The following SPATS2L variants were observed in gnomAD, a reference collection of about 807,000 sequenced individuals.
SPATS2L encodes the protein SPATS2-like protein.
Under a neutral mutation model 59.6 loss-of-function variants are expected in SPATS2L, and 30 were observed. That is an observed-to-expected ratio of 0.50 (90% CI 0.38 to 0.68). The LOEUF (loss-of-function observed/expected upper bound fraction) is 0.68, where lower values mean the gene tolerates loss of function less well. Ranked by LOEUF, SPATS2L falls within the 30% of genes least tolerant of loss-of-function variation. SPATS2L has a pLI of 0.00. For synonymous variants in SPATS2L, 252 were observed against 263.5 expected (o/e 0.96, Z 0.42); for missense variants, 615 against 700.0 (o/e 0.88, Z 1.37).
At chr2:200,418,740 A>G (rs899203635) in intron 5 of SPATS2L, among the ~76,000 whole-genome samples, 14 of 152,072 alleles carry the variant, frequency 9.2e-5, no homozygotes, top group Non-Finnish European at 4.4e-5. Flanking sequence ...TTAAGGACCT[A>G]CCTTCTGTGT....
At position 200,355,855 on chromosome 2, in the gene SPATS2L, T is replaced by A. The variant is rs1275511512; in HGVS notation, c.-23+26375T>A. On this transcript the variant is annotated intron_variant, in intron 2 of 12. Coordinates refer to ENST00000409140, the MANE Select transcript of SPATS2L (RefSeq NM_001100423.2). Reference sequence around the variant, plus strand: ...GATCCTTACACCTGGAAGGTGAAAATTAGATGACTGAGTCTTATTTCATAA... The same window carrying A: ...GATCCTTACACCTGGAAGGTGAAAAATAGATGACTGAGTCTTATTTCATAA... Among the ~76,000 whole-genome samples the A allele has an allele frequency of 2.6e-5, 4 of 152,326 alleles. No homozygotes were observed. The East Asian group carries it at 7.7e-4, about 29-fold the overall frequency.
chr2:200,366,901 T>C (rs2081283929), intron 2 of SPATS2L, among the ~76,000 whole-genome samples: 1 of 152,240 alleles, frequency 6.6e-6, no homozygotes, highest in African/African-American at 2.4e-5. Flanking sequence ...TTTATTAATA[T>C]ATAGTATGTA....
At position 200,477,776 on chromosome 2, in the gene SPATS2L, G is replaced by A. The variant is rs1299440282; in HGVS notation, c.1422G>A (p.Gln474=). 1.3e-6 allele frequency: 2 copies of A among 1,579,974 alleles called. No individual in the cohort carries two copies. The highest frequency in any genetic ancestry group is 1.7e-6 in the Non-Finnish European group (2 of 1,162,752). Residue 474 remains glutamine (Q), a synonymous_variant, in exon 13 of 13, where the codon CAG becomes CAA. Coordinates refer to ENST00000409140, the MANE Select transcript of SPATS2L (RefSeq NM_001100423.2). ...KGNSRHEHRR[Q]PHNGFRPKNK... ...ACAGCCGCCACGAACACAGAAGACA[G>A]CCGCACAACGGCTTCCGGCCCAAAA...
chr2:200,475,057 G>A (rs959522494), intron 12 of SPATS2L, among the ~76,000 whole-genome samples: 1 of 152,194 alleles, frequency 6.6e-6, no homozygotes, highest in African/African-American at 2.4e-5. Flanking sequence ...ACATCATCTT[G>A]AAGATGAACA....
At chr2:200,355,566 G>A (rs2080887777) in intron 2 of SPATS2L, among the ~76,000 whole-genome samples, 1 of 152,184 alleles carries the variant, frequency 6.6e-6, no homozygotes, top group Non-Finnish European at 1.5e-5. Context: ...ACACACGATT[G>A]TTCTTCACAG....
chr2:200,331,219 G>T (rs1217129339), intron 2 of SPATS2L, among the ~76,000 whole-genome samples: 1 of 152,224 alleles, frequency 6.6e-6, no homozygotes, highest in African/African-American at 2.4e-5. Flanking sequence ...CATTTTAATT[G>T]TGAGCTGTGA....
chr2:200,393,726 A>G (rs1480761810), intron 3 of SPATS2L, among the ~76,000 whole-genome samples: 1 of 152,206 alleles, frequency 6.6e-6, no homozygotes, highest in Non-Finnish European at 1.5e-5. Context: ...AAAAATTTTT[A>G]TGATTAGTTT....
At chr2:200,330,605 G>A (rs113286634) in intron 2 of SPATS2L, among the ~76,000 whole-genome samples, 48 of 152,282 alleles carry the variant, frequency 3.2e-4, no homozygotes, top group African/African-American at 1.1e-3. Flanking sequence ...CAGCTGAAGA[G>A]TTACTATGTA....
intron 1 of SPATS2L, among the ~76,000 whole-genome samples, chr2:200,319,458 A>G (rs920267703): frequency 5.3e-5 from 8 of 151,026 alleles, no homozygotes; most frequent in Non-Finnish European, 1.0e-4. Flanking sequence ...CCAGCTACTC[A>G]GGAGGCTGAG....
intron 2 of SPATS2L, among the ~76,000 whole-genome samples, chr2:200,344,047 TA>T (rs890104002): frequency 9.9e-5 from 15 of 151,694 alleles, no homozygotes; most frequent in Non-Finnish European, 1.3e-4. Flanking sequence ...TTATTTTTTT[TA>T]AAAAAAATTT....
intron 1 of SPATS2L, among the ~76,000 whole-genome samples, chr2:200,316,073 G>A (rs969085016): frequency 1.3e-5 from 2 of 150,826 alleles, no homozygotes; most frequent in African/African-American, 2.4e-5. Flanking sequence ...ATGTGTTCAC[G>A]ATGGAAAAGC....
intron 2 of SPATS2L, among the ~76,000 whole-genome samples, chr2:200,345,664 C>G (rs536960612): frequency 1.0e-3 from 159 of 152,252 alleles, no homozygotes; most frequent in African/African-American, 3.8e-3. Context: ...TTTACTAGCT[C>G]CCAAGTGATG....
At chr2:200,339,806 A>T (rs2881718) in intron 2 of SPATS2L, among the ~76,000 whole-genome samples, 96,086 of 152,112 alleles carry the variant, frequency 0.63, 34,277 homozygotes, top group South Asian at 0.88. Context: ...ATACAAATGT[A>T]ATTATGTTAC....
intron 6 of SPATS2L, among the ~76,000 whole-genome samples, chr2:200,430,694 G>C (rs1168077240): frequency 7.0e-6 from 1 of 143,798 alleles, no homozygotes; most frequent in Non-Finnish European, 1.5e-5. Flanking sequence ...TTCCCAAACT[G>C]TTGTCCGTGT....
intron 1 of SPATS2L, among the ~76,000 whole-genome samples, chr2:200,317,960 T>G (rs960248047): frequency 6.6e-6 from 1 of 152,216 alleles, no homozygotes; most frequent in African/African-American, 2.4e-5. Context: ...TGTTGTAGCT[T>G]TTGTTGCTTA....
At chr2:200,356,281 A>G (rs761881006) in intron 2 of SPATS2L, among the ~76,000 whole-genome samples, 12 of 152,220 alleles carry the variant, frequency 7.9e-5, no homozygotes, top group Admixed American at 2.0e-4. Context: ...ATAAAAGCAC[A>G]TTATACAGGT....
chr2:200,406,409 T>A (rs73986866), intron 3 of SPATS2L, among the ~76,000 whole-genome samples: 3,688 of 131,218 alleles, frequency 0.028, 158 homozygotes, highest in African/African-American at 0.096. Context: ...AGCACAAGTT[T>A]AAAAAAAAAA....
intron 3 of SPATS2L, chr2:200,393,332 A>T (rs956657820): frequency 2.2e-6 from 1 of 456,796 alleles, no homozygotes; most frequent in Admixed American, 2.3e-5. Context: ...CATCATGCCA[A>T]TGAGGGAAAA....
Position 200,478,349 on chromosome 2 carries a change from T to A in SPATS2L, c.*318T>A, listed in dbSNP as rs2087688964. The A allele has an allele frequency of 4.6e-6, 1 of 219,142 alleles. No individual in the cohort carries two copies. The highest frequency in any genetic ancestry group is 2.3e-5 in the African/African-American group (1 of 43,812). The allele number at this position is 219,142 out of a possible 1,614,324, so 13.6% of individuals were successfully genotyped here. A position where few individuals can be genotyped will look rare whatever the true frequency, so the allele number is the denominator to read the frequency against. ...TTAGCAACCTGTGTTGTAGCAGTGA[T>A]GTCAGTCCATTGATTGTCTTTAGAG... On this transcript the variant is annotated 3_prime_UTR_variant, in exon 13 of 13. Transcript: ENST00000409140.
Sources: allele counts gnomAD v4.1 joint callset (sites outside exome capture counted in the v4.1 genomes callset), GRCh38; gene constraint gnomAD v4.1.1; transcripts MANE v1.5; gene names NCBI Gene and HGNC (gene_info 2026-07-23, HGNC 2026-07-21).